ITPKB: variants seen among roughly 807,000 people sequenced by gnomAD.
The protein encoded by ITPKB is inositol-trisphosphate 3-kinase B.
ITPKB carries 13 observed loss-of-function variants against 69.4 expected under a neutral mutation model. That is an observed-to-expected ratio of 0.19 (90% CI 0.12 to 0.30). ITPKB has a LOEUF of 0.30. Among genes scored for constraint, ITPKB ranks in the 10% least tolerant of loss-of-function variants. The pLI, the probability that ITPKB is intolerant of heterozygous loss-of-function variation, is 1.00. For missense variants in ITPKB, 1,240 were observed against 1,250.5 expected, an observed-to-expected ratio of 0.99 and a Z score of 0.13; for synonymous variants, 584 against 513.7, an observed-to-expected ratio of 1.14 and a Z score of -1.85.
intron 2 of ITPKB, among the ~76,000 whole-genome samples, chr1:226,658,330 C>T (rs1669335522): frequency 6.6e-6 from 1 of 152,224 alleles, no homozygotes; most frequent in African/African-American, 2.4e-5. Context: ...GGTACAAGCC[C>T]AGGCAGGTAG....
chr1:226,738,459 T>C lies in ITPKB; in HGVS notation c.-206+582A>G, dbSNP rs1657882073. Among the ~76,000 whole-genome samples the C allele has an allele frequency of 6.6e-6, 1 of 152,136 alleles. No individual in the cohort carries two copies. Among genetic ancestry groups the C allele is most frequent in the Non-Finnish European group, 1.5e-5 (1 of 68,024 alleles). On this transcript the variant is annotated intron_variant, in intron 1 of 7. Coordinates refer to ENST00000429204, the MANE Select transcript of ITPKB (RefSeq NM_002221.4). The surrounding 1 kb of genome is among the most constrained non-coding windows in gnomAD (Gnocchi z 4.2). ...TGCCGTCGTCCCCTATGGGGGGGTG[T>C]CTGTGAGTGTGTGTGTATACACGCG... is the stretch of plus-strand genomic sequence containing the variant.
At chr1:226,693,287 G>A (rs1315909800) in intron 2 of ITPKB, among the ~76,000 whole-genome samples, 1 of 152,220 alleles carries the variant, frequency 6.6e-6, no homozygotes, top group Non-Finnish European at 1.5e-5. Context: ...TCTGGAAGCA[G>A]TCAGACCCTC....
At position 226,634,965 on chromosome 1, in the gene ITPKB, C is replaced by T; in HGVS notation, c.2626-79G>A. On this transcript the variant is annotated intron_variant, in intron 7 of 7. Coordinates refer to ENST00000429204, the MANE Select transcript of ITPKB (RefSeq NM_002221.4). This position sits in a 1 kb window ranked among gnomAD's most constrained non-coding sequence, Gnocchi z 6.3. ...CACTGCGGCCCGGGGCCTGGGTGACCAGGTGGGGAGGCTCGCTCAGGCCGG... is the reference window on the plus strand; with the variant it reads ...CACTGCGGCCCGGGGCCTGGGTGACTAGGTGGGGAGGCTCGCTCAGGCCGG... 1 of 1,145,338 alleles carries T rather than the reference C, an allele frequency of 8.7e-7. No individual in the cohort carries two copies. The highest frequency in any genetic ancestry group is 1.3e-6 in the Non-Finnish European group (1 of 793,414). 70.9% of individuals were successfully genotyped at this position (1,145,338 alleles called of 1,614,324 possible). A position where few individuals can be genotyped will look rare whatever the true frequency, so the allele number is the denominator to read the frequency against.
chr1:226,683,226 C>T (rs998903046), intron 2 of ITPKB, among the ~76,000 whole-genome samples: 1 of 152,226 alleles, frequency 6.6e-6, no homozygotes, highest in African/African-American at 2.4e-5. Flanking sequence ...ACACCTCCCC[C>T]TTCGTGCTTT....
chr1:226,658,449 G>A (rs894426107), intron 2 of ITPKB, among the ~76,000 whole-genome samples: 3 of 152,212 alleles, frequency 2.0e-5, no homozygotes, highest in East Asian at 1.9e-4. Flanking sequence ...AGGAGGGGAA[G>A]GGCTTTCAAA....
chr1:226,724,172 A>G (rs994352252), intron 2 of ITPKB, among the ~76,000 whole-genome samples: 2 of 152,116 alleles, frequency 1.3e-5, no homozygotes, highest in East Asian at 3.9e-4. Flanking sequence ...AGAGATGTTC[A>G]GCCCACGCCA....
At chr1:226,716,328 A>G (rs1341072391) in intron 2 of ITPKB, among the ~76,000 whole-genome samples, 1 of 151,654 alleles carries the variant, frequency 6.6e-6, no homozygotes, top group Admixed American at 6.6e-5. Flanking sequence ...TTCTTCCCAT[A>G]CTCTAAAAAG....
At chr1:226,685,644 T>C (rs1174662212) in intron 2 of ITPKB, among the ~76,000 whole-genome samples, 5 of 152,176 alleles carry the variant, frequency 3.3e-5, no homozygotes, top group Non-Finnish European at 5.9e-5. Context: ...GACTCTGTGA[T>C]CTGACTGCAT....
chr1:226,646,378 C>T (rs1382803434), intron 4 of ITPKB, among the ~76,000 whole-genome samples: 1 of 152,184 alleles, frequency 6.6e-6, no homozygotes, highest in Admixed American at 6.5e-5. Flanking sequence ...TGAGAAAACC[C>T]GGCTGCCTAA....
chr1:226,734,023 CG>C (rs1439259607), intron 2 of ITPKB, among the ~76,000 whole-genome samples: 1 of 152,186 alleles, frequency 6.6e-6, no homozygotes, highest in African/African-American at 2.4e-5. Context: ...AGGGATGGGA[CG>C]GGGGACCATC....
intron 2 of ITPKB, chr1:226,668,918 C>G (rs990941049): frequency 3.3e-5 from 5 of 152,184 alleles, no homozygotes; most frequent in Non-Finnish European, 5.9e-5. Context: ...TAACCTTTCC[C>G]CTTTTTCAAA....
At chr1:226,731,670 TTC>T (rs746645257) in intron 2 of ITPKB, among the ~76,000 whole-genome samples, 3 of 152,066 alleles carry the variant, frequency 2.0e-5, no homozygotes, top group Non-Finnish European at 4.4e-5. Context: ...CCCTTTGACT[TTC>T]TGAGTGTTTA....
chr1:226,641,184 C>T lies in ITPKB; in HGVS notation c.2451+737G>A, dbSNP rs1668954289. 6.6e-6 allele frequency among the ~76,000 whole-genome samples: 1 copy of T among 152,182 alleles called. No homozygotes were observed. ...CAGACAGTCACCAATCCAGACAGTGCCAGTTCCCCAATTTATTCTGGGGAA... is the reference window on the plus strand; with the variant it reads ...CAGACAGTCACCAATCCAGACAGTGTCAGTTCCCCAATTTATTCTGGGGAA... On this transcript the variant is annotated intron_variant, in intron 5 of 7. Coordinates refer to ENST00000429204, the MANE Select transcript of ITPKB (RefSeq NM_002221.4). This position sits in a 1 kb window ranked among gnomAD's most constrained non-coding sequence, Gnocchi z 4.6.
At chr1:226,669,854 G>GT (rs1319672391) in intron 2 of ITPKB, among the ~76,000 whole-genome samples, 2 of 150,946 alleles carry the variant, frequency 1.3e-5, no homozygotes, top group African/African-American at 4.9e-5. Flanking sequence ...CAAAAAAAAT[G>GT]TTTTTTTGGT....
At chr1:226,698,842 C>T (rs1349667792) in intron 2 of ITPKB, among the ~76,000 whole-genome samples, 2 of 152,226 alleles carry the variant, frequency 1.3e-5, no homozygotes, top group African/African-American at 2.4e-5. Context: ...CTCTGCTACC[C>T]TGGTCATATC....
intron 2 of ITPKB, among the ~76,000 whole-genome samples, chr1:226,659,914 C>T (rs564647131): frequency 1.3e-5 from 2 of 152,300 alleles, no homozygotes; most frequent in South Asian, 4.1e-4. Flanking sequence ...GAGGACCCTG[C>T]GGACCCAGCA....
At chr1:226,662,046 G>A (rs1669412198) in intron 2 of ITPKB, among the ~76,000 whole-genome samples, 1 of 152,198 alleles carries the variant, frequency 6.6e-6, no homozygotes. Context: ...GGGTGTGAGA[G>A]GGAGTGCACG....
At chr1:226,664,118 C>G (rs922656157) in intron 2 of ITPKB, among the ~76,000 whole-genome samples, 5 of 152,242 alleles carry the variant, frequency 3.3e-5, no homozygotes, top group African/African-American at 1.2e-4. Flanking sequence ...GCTCCTGGTT[C>G]TCTTAGACTT....
At chr1:226,680,546 A>G (rs1418501538) in intron 2 of ITPKB, among the ~76,000 whole-genome samples, 2 of 152,206 alleles carry the variant, frequency 1.3e-5, no homozygotes, top group Admixed American at 1.3e-4. Context: ...GTATTAAGTT[A>G]TCCACGATTC....
Sources: allele counts gnomAD v4.1 joint callset (sites outside exome capture counted in the v4.1 genomes callset), GRCh38; gene constraint gnomAD v4.1.1; non-coding constraint Gnocchi (gnomAD v3.1); transcripts MANE v1.5; gene names NCBI Gene and HGNC (gene_info 2026-07-23, HGNC 2026-07-21).